Variants in DLGAP4 observed in about 807,000 individuals in gnomAD.
The protein encoded by DLGAP4 is disks large-associated protein 4.
In DLGAP4, 18 loss-of-function variants were observed where a neutral mutation model predicts 86.9. That is an observed-to-expected ratio of 0.21 (90% CI 0.14 to 0.31). The LOEUF (loss-of-function observed/expected upper bound fraction) is 0.31. Ranked by LOEUF, DLGAP4 falls within the 10% of genes least tolerant of loss-of-function variation. The pLI is 1.00. For missense variants in DLGAP4, 1,085 were observed against 1,362.6 expected (o/e 0.80, Z 3.21); for synonymous variants, 548 against 574.3 (o/e 0.95, Z 0.65).
At chr20:36,317,739 A>G (rs1178142188) in intron 1 of DLGAP4, among the ~76,000 whole-genome samples, 2 of 150,274 alleles carry the variant, frequency 1.3e-5, no homozygotes, top group African/African-American at 4.9e-5. Flanking sequence ...TGTGGGCGTG[A>G]GCCACCGAGC....
At chr20:36,318,758 A>AT (rs1261210758) in intron 1 of DLGAP4, among the ~76,000 whole-genome samples, 1 of 152,148 alleles carries the variant, frequency 6.6e-6, no homozygotes, top group Non-Finnish European at 1.5e-5. Flanking sequence ...TGGGGTCTTC[A>AT]TGCCTGTCTG....
At chr20:36,312,558 G>C (rs937736972) in intron 1 of DLGAP4, among the ~76,000 whole-genome samples, 2 of 152,164 alleles carry the variant, frequency 1.3e-5, no homozygotes, top group African/African-American at 4.8e-5. Flanking sequence ...ATGTGGGCAG[G>C]TTCTGTCTTT....
chr20:36,392,268 T>C (rs532484489), intron 2 of DLGAP4, among the ~76,000 whole-genome samples: 3 of 152,296 alleles, frequency 2.0e-5, no homozygotes, highest in South Asian at 4.1e-4. Flanking sequence ...CTCAAATGCG[T>C]TGAGTCTCAG....
At chr20:36,366,106 G>A (rs1181558341) in intron 1 of DLGAP4, among the ~76,000 whole-genome samples, 2 of 152,070 alleles carry the variant, frequency 1.3e-5, no homozygotes, top group Non-Finnish European at 1.5e-5. Flanking sequence ...CTGCTGATTC[G>A]TGGGTTTTTT....
intron 2 of DLGAP4, among the ~76,000 whole-genome samples, chr20:36,388,525 C>T (rs2031678752): frequency 1.3e-5 from 2 of 152,162 alleles, no homozygotes; most frequent in East Asian, 1.9e-4. Context: ...AACTCAATAA[C>T]CCCGGTTCCC....
chr20:36,452,258 A>T (rs530423461), intron 7 of DLGAP4, among the ~76,000 whole-genome samples: 85 of 152,072 alleles, frequency 5.6e-4, no homozygotes, highest in African/African-American at 2.1e-3. Context: ...AGCTCACCAT[A>T]GCCTCAACCT....
At position 36,442,747 on chromosome 20, in the gene DLGAP4, G is replaced by C; in HGVS notation, c.1377G>C (p.Leu459=). The part of the protein sequence containing the change: ...CISQIFGQAS[L]IPQLFGHEQQ... ...TGCAGATTTTTGGACAGGCCTCCCT[G>C]ATCCCCCAGTTGTTTGGCCATGAGC... The change falls in exon 6 of 13, where the codon CTG becomes CTC. Residue 459 remains leucine, a synonymous_variant. Coordinates refer to ENST00000339266, the MANE Select transcript of DLGAP4 (RefSeq NM_001365621.2). The C allele has an allele frequency of 6.2e-7, 1 of 1,614,154 alleles. No homozygotes were observed. The highest frequency in any genetic ancestry group is 8.5e-7 in the Non-Finnish European group (1 of 1,180,030).
intron 1 of DLGAP4, among the ~76,000 whole-genome samples, chr20:36,323,033 G>A (rs2065184001): frequency 6.6e-6 from 1 of 151,790 alleles, no homozygotes; most frequent in South Asian, 2.1e-4. Context: ...ACACTAGCTG[G>A]GCATGGTGGT....
rs1017949831 is a variant in DLGAP4 at position 36,393,977 on chromosome 20, C to A, written c.-73+26702C>A. On this transcript the variant is annotated intron_variant, in intron 2 of 12. Coordinates refer to ENST00000339266, the MANE Select transcript of DLGAP4 (RefSeq NM_001365621.2). This position sits in a 1 kb window ranked among gnomAD's most constrained non-coding sequence, Gnocchi z 4.4. ...ACAGGGAGGTGGCCTTCACAGGGTG[C>A]CCCCTCCCTCCTCCATGCCGCACTG... Among the ~76,000 whole-genome samples, 1 of 152,146 alleles carries A rather than the reference C, an allele frequency of 6.6e-6. No homozygotes were observed. The highest frequency in any genetic ancestry group is 2.4e-5 in the African/African-American group (1 of 41,432).
intron 1 of DLGAP4, among the ~76,000 whole-genome samples, chr20:36,326,615 TAAG>T (rs1430275640): frequency 6.6e-6 from 1 of 152,186 alleles, no homozygotes; most frequent in Non-Finnish European, 1.5e-5. Context: ...ATTTAAATAA[TAAG>T]AAAAATAATC....
At chr20:36,496,042 T>C (rs1183489852) in intron 7 of DLGAP4, among the ~76,000 whole-genome samples, 2 of 151,992 alleles carry the variant, frequency 1.3e-5, no homozygotes, top group African/African-American at 4.8e-5. Flanking sequence ...CCAGCTAATT[T>C]TGTATTTTTA....
intron 2 of DLGAP4, among the ~76,000 whole-genome samples, chr20:36,410,717 A>C (rs896789533): frequency 1.3e-5 from 2 of 152,122 alleles, no homozygotes; most frequent in Non-Finnish European, 2.9e-5. Context: ...ACTCATCACT[A>C]TGGGAATGGT....
rs190975158 is a variant in DLGAP4, at chr20:36,481,224, T to C, written c.1649-15481T>C. ...TCCTTCTTCCATCTTTGGCCAGCTCTGCTTCTTAGAAAGCTCCTCTTTATA... is the reference window on the plus strand; with the variant it reads ...TCCTTCTTCCATCTTTGGCCAGCTCCGCTTCTTAGAAAGCTCCTCTTTATA... On this transcript the variant is annotated intron_variant, in intron 7 of 12. Transcript: ENST00000339266. 7.7e-4 allele frequency among the ~76,000 whole-genome samples: 118 copies of C among 152,354 alleles called. 1 individual carries two copies. The highest frequency in any genetic ancestry group is 2.0e-3 in the Admixed American group (31 of 15,308).
intron 2 of DLGAP4, among the ~76,000 whole-genome samples, chr20:36,396,366 A>ACACG (rs1569484546): frequency 2.4e-5 from 1 of 41,760 alleles, no homozygotes; most frequent in Non-Finnish European, 4.6e-5. Flanking sequence ...CCACACGCAC[A>ACACG]TACACACACC....
chr20:36,414,452 T>G (rs1011433940), intron 2 of DLGAP4, among the ~76,000 whole-genome samples: 2 of 152,182 alleles, frequency 1.3e-5, no homozygotes, highest in Non-Finnish European at 2.9e-5. Flanking sequence ...TTTTTGGTAT[T>G]TATTCATCAG....
At chr20:36,379,083 G>A (rs1002933809) in intron 2 of DLGAP4, among the ~76,000 whole-genome samples, 4 of 152,136 alleles carry the variant, frequency 2.6e-5, no homozygotes, top group African/African-American at 7.2e-5. Flanking sequence ...AGAGAGAGGG[G>A]GCCACAGGAC....
In DLGAP4 at chr20:36,432,963, C is replaced by T. The variant is rs1297252777; in HGVS notation, c.999+247C>T. Among the ~76,000 whole-genome samples, 6 of 152,066 alleles carry T rather than the reference C, an allele frequency of 3.9e-5. No individual in the cohort carries two copies. Among genetic ancestry groups the T allele is most frequent in the African/African-American group, 1.4e-4 (6 of 41,406 alleles). On this transcript the variant is annotated intron_variant, in intron 3 of 12. Transcript: ENST00000339266. This position sits in a 1 kb window ranked among gnomAD's most constrained non-coding sequence, Gnocchi z 6.5. Reference sequence around the variant, plus strand: ...AGCAGGGACTAAAATATGTTCCTGCCCTTTAGAAGACAAATCTGGAAGCTG... The same window carrying T: ...AGCAGGGACTAAAATATGTTCCTGCTCTTTAGAAGACAAATCTGGAAGCTG...
At chr20:36,491,663 A>G (rs2035668400) in intron 7 of DLGAP4, among the ~76,000 whole-genome samples, 1 of 152,060 alleles carries the variant, frequency 6.6e-6, no homozygotes, top group Non-Finnish European at 1.5e-5. Context: ...TGGGAGGGGC[A>G]TGAGATGAAG....
At position 36,431,464 on chromosome 20, in the gene DLGAP4, T is replaced by C. The variant is rs1291182564; in HGVS notation, c.-72-182T>C. ...CTTGTCTGATAGTCGGTAGCTTGAG[T>C]TGTAACTTTTATTTATACACAGAGT... On this transcript the variant is annotated intron_variant, in intron 2 of 12. Coordinates refer to ENST00000339266, the MANE Select transcript of DLGAP4 (RefSeq NM_001365621.2). The surrounding 1 kb of genome is among the most constrained non-coding windows in gnomAD (Gnocchi z 5.1). Among the ~76,000 whole-genome samples, 3 of 151,898 alleles carry C rather than the reference T, an allele frequency of 2.0e-5. No individual in the cohort carries two copies. Among genetic ancestry groups the C allele is most frequent in the African/African-American group, 7.3e-5 (3 of 41,316 alleles).
Sources: allele counts gnomAD v4.1 joint callset (sites outside exome capture counted in the v4.1 genomes callset), GRCh38; gene constraint gnomAD v4.1.1; non-coding constraint Gnocchi (gnomAD v3.1); transcripts MANE v1.5; gene names NCBI Gene and HGNC (gene_info 2026-07-23, HGNC 2026-07-21).